FBXO11: variants seen among roughly 807,000 people sequenced by gnomAD.
FBXO11 encodes F-box only protein 11.
A neutral mutation model predicts 117.0 loss-of-function variants in FBXO11; 13 were observed. That is an observed-to-expected ratio of 0.11 (90% CI 0.07 to 0.18). The LOEUF (loss-of-function observed/expected upper bound fraction) is 0.18. Ranked by LOEUF, FBXO11 falls within the 10% of genes least tolerant of loss-of-function variation. The pLI is 1.00. For missense variants in FBXO11, 767 were observed against 1,164.4 expected (o/e 0.66, Z 4.97); for synonymous variants, 490 against 380.5 (o/e 1.29, Z -3.35).
chr2:47,819,212 ATTCTT>A, intron 14 of FBXO11, 134 bp from the exon 15 acceptor site: 1 of 782,034 alleles, frequency 1.3e-6, no homozygotes, highest in Non-Finnish European at 2.0e-6. Context: ...TAATGGCAAT[ATTCTT>A]TTGTTTTGTT....
chr2:47,809,876 C>T (rs922411003), intron 19 of FBXO11, 169 bp from the exon 20 acceptor site: 1 of 550,882 alleles, frequency 1.8e-6, no homozygotes, highest in South Asian at 2.5e-5. Context: ...GTAACATTCA[C>T]TTATCAATGA....
At chr2:47,871,836 T>C (rs1334118570) in intron 1 of FBXO11, among the ~76,000 whole-genome samples, 1 of 152,246 alleles carries the variant, frequency 6.6e-6, no homozygotes, top group Admixed American at 6.5e-5. Context: ...CTTTTTGACA[T>C]GAGCAATGTG....
chr2:47,813,506 A>G (rs962638021), intron 17 of FBXO11, 129 bp from the exon 18 acceptor site: 1 of 620,286 alleles, frequency 1.6e-6, no homozygotes, highest in Non-Finnish European at 2.5e-6. Flanking sequence ...ATCTTGGCTC[A>G]CTGCAACCTC....
intron 11 of FBXO11, among the ~76,000 whole-genome samples, chr2:47,829,103 C>G (rs1159372001): frequency 1.3e-5 from 2 of 152,050 alleles, no homozygotes; most frequent in Non-Finnish European, 2.9e-5. Context: ...CAGTGTTGGC[C>G]AGGCTGGTCT....
At position 47,813,393 on chromosome 2, in the gene FBXO11, T is replaced by C. The variant is rs770500737; in HGVS notation, c.2084-16A>G. 8 of 1,505,304 alleles carry C rather than the reference T, an allele frequency of 5.3e-6. No homozygotes were observed. In the Admixed American group the frequency reaches 6.3e-5, roughly 12 times the overall value. 93.2% of individuals were successfully genotyped at this position (1,505,304 alleles called of 1,614,324 possible). A position where few individuals can be genotyped will look rare whatever the true frequency, so the allele number is the denominator to read the frequency against. On this transcript the variant is annotated splice_polypyrimidine_tract_variant and intron_variant, in intron 17 of 22. Transcript: ENST00000403359. ...CAGCCTAGACCTATAAATGCAAAAATGTAGGTTATCTAGAAGGTATATTTC... is the reference window on the plus strand; with the variant it reads ...CAGCCTAGACCTATAAATGCAAAAACGTAGGTTATCTAGAAGGTATATTTC...
intron 1 of FBXO11, among the ~76,000 whole-genome samples, chr2:47,901,017 T>A (rs562445580): frequency 2.3e-5 from 3 of 130,984 alleles, no homozygotes; most frequent in Non-Finnish European, 5.2e-5. Flanking sequence ...ATATATATAT[T>A]TATGTATATA....
At chr2:47,861,707 T>C (rs1674791199) in intron 1 of FBXO11, among the ~76,000 whole-genome samples, 1 of 152,168 alleles carries the variant, frequency 6.6e-6, no homozygotes, top group Non-Finnish European at 1.5e-5. Flanking sequence ...TGCTTGGTTT[T>C]GGCTTCTGGG....
chr2:47,897,826 T>C (rs533015108), intron 1 of FBXO11, among the ~76,000 whole-genome samples: 1 of 151,944 alleles, frequency 6.6e-6, no homozygotes. Flanking sequence ...AAAATGAGAT[T>C]ATCACTATTA....
At chr2:47,904,451 A>C (rs1463540017) in intron 1 of FBXO11, among the ~76,000 whole-genome samples, 1 of 152,214 alleles carries the variant, frequency 6.6e-6, no homozygotes, top group Non-Finnish European at 1.5e-5. Context: ...ATTTTTGCTA[A>C]AGCAGGATTT....
At chr2:47,874,779 C>T (rs1231180059) in intron 1 of FBXO11, among the ~76,000 whole-genome samples, 1 of 152,106 alleles carries the variant, frequency 6.6e-6, no homozygotes, top group Non-Finnish European at 1.5e-5. Flanking sequence ...AAGCGATCCA[C>T]CCGCCTCAGC....
intron 1 of FBXO11, among the ~76,000 whole-genome samples, chr2:47,895,560 G>T (rs1263659437): frequency 2.0e-5 from 3 of 152,126 alleles, no homozygotes; most frequent in Non-Finnish European, 2.9e-5. Flanking sequence ...CTTGCTGTAG[G>T]TATTTTTGGT....
At position 47,822,314 on chromosome 2, in the gene FBXO11, G is replaced by A. The variant is rs1323437977; in HGVS notation, c.1617-11C>T. On this transcript the variant is annotated splice_polypyrimidine_tract_variant and intron_variant, in intron 12 of 22. Transcript: ENST00000403359. Reference sequence around the variant, plus strand: ...AATATAGAATTTCCCCTATAATTATGCGAAATAAAAAAAAAGAAGACATCT... The same window carrying A: ...AATATAGAATTTCCCCTATAATTATACGAAATAAAAAAAAAGAAGACATCT... The A allele has an allele frequency of 6.6e-7, 1 of 1,526,252 alleles. No individual in the cohort carries two copies. Among genetic ancestry groups the A allele is most frequent in the African/African-American group, 1.4e-5 (1 of 71,108 alleles). The allele number at this position is 1,526,252 out of a possible 1,614,324, so 94.5% of individuals were successfully genotyped here.
intron 16 of FBXO11, among the ~76,000 whole-genome samples, chr2:47,818,183 C>G (rs1043318109): frequency 2.0e-5 from 3 of 152,072 alleles, no homozygotes; most frequent in Non-Finnish European, 4.4e-5. Context: ...AAAAATGAGA[C>G]ACAGAGACAG....
Position 47,832,860 on chromosome 2 carries a change from A to C in FBXO11, c.1062T>G (p.Ser354=). The C allele has an allele frequency of 1.2e-5, 19 of 1,614,012 alleles. No individual in the cohort carries two copies. The highest frequency in any genetic ancestry group is 1.6e-5 in the Non-Finnish European group (19 of 1,179,914). ...MTIRFNPDDK[S]AQHHNAHHCL... ...AGTGGTGTGCATTGTGGTGTTGTGC[A>C]GATTTGTCATCAGGGTTAAACTGAA... Residue 354 remains serine, a synonymous_variant, in exon 9 of 23, where the codon TCT becomes TCG. Coordinates refer to ENST00000403359, the MANE Select transcript of FBXO11 (RefSeq NM_001190274.2).
chr2:47,863,099 A>C (rs111541297), intron 1 of FBXO11, among the ~76,000 whole-genome samples: 8 of 151,964 alleles, frequency 5.3e-5, no homozygotes, highest in Admixed American at 1.3e-4. Context: ...AACAAAAAAA[A>C]CCACCATACA....
intron 1 of FBXO11, among the ~76,000 whole-genome samples, chr2:47,848,214 G>C (rs1310313221): frequency 6.6e-6 from 1 of 152,028 alleles, no homozygotes; most frequent in Admixed American, 6.5e-5. Context: ...TTAAAGCAGA[G>C]ATCCCCAACC....
intron 1 of FBXO11, among the ~76,000 whole-genome samples, chr2:47,864,898 A>G (rs1208527353): frequency 2.0e-5 from 3 of 152,246 alleles, no homozygotes; most frequent in Non-Finnish European, 4.4e-5. Flanking sequence ...TTCCTCATTT[A>G]TTTGCCAACA....
rs924362538 is a variant in FBXO11 at position 47,807,554 on chromosome 2, G to C, written c.*564C>G. ...CATGAGTACAGTTACAGCAAGTCTA[G>C]GTGTGCTAACAAAACAGGGCACATT... On this transcript the variant is annotated 3_prime_UTR_variant, in exon 23 of 23. Coordinates refer to ENST00000403359, the MANE Select transcript of FBXO11 (RefSeq NM_001190274.2). 4.7e-6 allele frequency: 1 copy of C among 213,820 alleles called. No individual in the cohort carries two copies. Among genetic ancestry groups the C allele is most frequent in the African/African-American group, 2.3e-5 (1 of 44,210 alleles). 13.2% of individuals were successfully genotyped at this position (213,820 alleles called of 1,614,324 possible).
At chr2:47,840,584 G>A (rs184704541) in intron 1 of FBXO11, among the ~76,000 whole-genome samples, 1 of 150,828 alleles carries the variant, frequency 6.6e-6, no homozygotes, top group African/African-American at 2.4e-5. Flanking sequence ...CCAAGCAGCT[G>A]GGGCTACAGG....
Sources: allele counts gnomAD v4.1 joint callset (sites outside exome capture counted in the v4.1 genomes callset), GRCh38; gene constraint gnomAD v4.1.1; transcripts MANE v1.5; gene names NCBI Gene and HGNC (gene_info 2026-07-23, HGNC 2026-07-21).